Variants in LRFN3 observed in about 807,000 individuals in gnomAD.
LRFN3 encodes the protein leucine-rich repeat and fibronectin type-III domain-containing protein 3.
Under a neutral mutation model 23.8 loss-of-function variants are expected in LRFN3, and 8 were observed. The observed-to-expected ratio is 0.34, with a 90% confidence interval of 0.20 to 0.61. The LOEUF (loss-of-function observed/expected upper bound fraction) is 0.61, where lower values mean the gene tolerates loss of function less well. Among genes scored for constraint, LRFN3 ranks in the 20% least tolerant of loss-of-function variants. The probability of loss-of-function intolerance (pLI) is 0.80; values close to 1 mark genes in which losing one functional copy is unlikely to be tolerated. For missense variants in LRFN3, 736 were observed against 935.3 expected (o/e 0.79, Z 2.78); for synonymous variants, 451 against 450.6 (o/e 1.00, Z -0.01).
intron 2 of LRFN3, among the ~76,000 whole-genome samples, chr19:35,943,790 G>A (rs964561287): frequency 1.3e-5 from 2 of 152,176 alleles, no homozygotes; most frequent in African/African-American, 4.8e-5. Context: ...ATCAGGCAGA[G>A]GATTGGGGCA....
intron 1 of LRFN3, among the ~76,000 whole-genome samples, chr19:35,938,989 C>T (rs79995931): frequency 0.011 from 1,734 of 152,278 alleles, 26 homozygotes; most frequent in African/African-American, 0.039. Context: ...GACAGAGTCA[C>T]GCTCTGTTGC....
rs888301079 is a variant in LRFN3, at chr19:35,946,611, G to A, written c.*1592G>A. ...GTGTTCAATGATATAAATAAAGGCT[G>A]CGGTGACCCCCCAGAGAGCAGTGTT... On this transcript the variant is annotated 3_prime_UTR_variant, in exon 3 of 3. Coordinates refer to ENST00000246529, the MANE Select transcript of LRFN3 (RefSeq NM_024509.2). Among the ~76,000 whole-genome samples, 1 of 152,186 alleles carries A rather than the reference G, an allele frequency of 6.6e-6. No individual in the cohort carries two copies. The highest frequency in any genetic ancestry group is 1.5e-5 in the Non-Finnish European group (1 of 68,036).
Position 35,944,738 on chromosome 19 carries a change from G to A in LRFN3, c.1606G>A (p.Gly536Ser). Reference protein sequence around the residue: ...PCGAPHAPFLGGTMIIALGGV... With the variant: ...PCGAPHAPFLSGTMIIALGGV... The stretch of plus-strand genomic sequence containing the variant: ...CGGGGCGCCGCACGCTCCCTTCCTG[G>A]GCGGCACGATGATCATCGCGCTGGG... Residue 536 changes from glycine (G) to serine (S), a missense_variant, in exon 3 of 3, where the codon GGC (glycine) becomes AGC (serine). Gly to Ser is a moderately conservative substitution (Grantham distance 56). Coordinates refer to ENST00000246529, the MANE Select transcript of LRFN3 (RefSeq NM_024509.2). The surrounding 1 kb of genome is among the most constrained non-coding windows in gnomAD (Gnocchi z 4.5). The A allele has an allele frequency of 6.2e-7, 1 of 1,607,618 alleles. No homozygotes were observed. The highest frequency in any genetic ancestry group is 8.5e-7 in the Non-Finnish European group (1 of 1,177,432).
intron 2 of LRFN3, among the ~76,000 whole-genome samples, chr19:35,943,364 G>A (rs1381109268): frequency 6.6e-6 from 1 of 152,198 alleles, no homozygotes; most frequent in Admixed American, 6.5e-5. Flanking sequence ...AGTAGTGACG[G>A]AGGCACATTA....
chr19:35,940,136 G>T lies in LRFN3; in HGVS notation c.711G>T (p.Ser237=), dbSNP rs774350545. 3 of 1,609,632 alleles carry T rather than the reference G, an allele frequency of 1.9e-6. No homozygotes were observed. The highest frequency in any genetic ancestry group is 1.3e-5 in the African/African-American group (1 of 75,010). ...CCCTGCTCGCCAGGCCCCGGGGCTC[G>T]CCCGCCTCTGCCCTGGTGCTGGCCT... is the stretch of plus-strand genomic sequence containing the variant. The part of the protein sequence containing the change: ...RLPLLARPRG[S]PASALVLAFG... Residue 237 remains serine (S), a synonymous_variant, in exon 2 of 3, where the codon TCG becomes TCT. Transcript: ENST00000246529.
In LRFN3 at chr19:35,936,430, G is replaced by C. The variant is rs1483364395; in HGVS notation, c.-1142G>C. ...CGGCGAGGAGGCCGCGGGAGCGCCT[G>C]GACCCGGCCCGCCCAGCCCGGCCCC... is the stretch of plus-strand genomic sequence containing the variant. On this transcript the variant is annotated 5_prime_UTR_variant, in exon 1 of 3. Coordinates refer to ENST00000246529, the MANE Select transcript of LRFN3 (RefSeq NM_024509.2). Among the ~76,000 whole-genome samples, 1 of 151,022 alleles carries C rather than the reference G, an allele frequency of 6.6e-6. No individual in the cohort carries two copies. The highest frequency in any genetic ancestry group is 2.4e-5 in the African/African-American group (1 of 41,278).
intron 2 of LRFN3, among the ~76,000 whole-genome samples, chr19:35,941,419 G>T (rs571244843): frequency 2.2e-4 from 34 of 152,310 alleles, no homozygotes; most frequent in African/African-American, 8.2e-4. Flanking sequence ...AGCACAGGGA[G>T]CCCAGAAACA....
Position 35,940,793 on chromosome 19 carries a change from G to A in LRFN3, c.1368G>A (p.Met456Ile). ...PDQRPIPGIR[M>I]YQIQYNSSAD... ...AGCGGCCTATCCCGGGCATCCGCAT[G>A]TACCAGATCCAGTACAACAGCTCGG... The change falls in exon 2 of 3, where the codon ATG becomes ATA. Residue 456 changes from methionine (M) to isoleucine (I), a missense_variant. Met to Ile is a conservative substitution (Grantham distance 10). Transcript: ENST00000246529. 1 of 1,605,844 alleles carries A rather than the reference G, an allele frequency of 6.2e-7. No individual in the cohort carries two copies. The highest frequency in any genetic ancestry group is 8.5e-7 in the Non-Finnish European group (1 of 1,174,426).
At position 35,936,709 on chromosome 19, in the gene LRFN3, A is replaced by G. The variant is rs1232876213; in HGVS notation, c.-863A>G. ...GCCAGCCGGGACGCCGCCGCCCCGGACCCCGCGCCCTAACCTCCACCTCGG... is the reference window on the plus strand; with the variant it reads ...GCCAGCCGGGACGCCGCCGCCCCGGGCCCCGCGCCCTAACCTCCACCTCGG... On this transcript the variant is annotated 5_prime_UTR_variant, in exon 1 of 3. Transcript: ENST00000246529. 6.6e-6 allele frequency: 1 copy of G among 150,760 alleles called. No individual in the cohort carries two copies. The highest frequency in any genetic ancestry group is 2.4e-5 in the African/African-American group (1 of 40,884). The allele number at this position is 150,760 out of a possible 1,614,324, so 9.3% of individuals were successfully genotyped here.
chr19:35,944,904 GC>G lies in LRFN3; in HGVS notation c.1776del (p.Thr593ArgfsTer74). 1 of 1,584,264 alleles carries G rather than the reference GC, an allele frequency of 6.3e-7. No homozygotes were observed. ...TGCTCCCAGACCAACGGCGCCCTGGGCCCCACGCCCACGCCCGCCCCGCCCG... is the reference window on the plus strand; with the variant it reads ...TGCTCCCAGACCAACGGCGCCCTGGGCCCACGCCCACGCCCGCCCCGCCCG... Reference protein sequence around the residue: ...SVCSQTNGALGPTPTPAPPAP... With the variant: ...SVCSQTNGALXPTPTPAPPAP... On this transcript the variant is annotated frameshift_variant, in exon 3 of 3. Transcript: ENST00000246529. LOFTEE classifies it high-confidence loss of function. The surrounding 1 kb of genome is among the most constrained non-coding windows in gnomAD (Gnocchi z 4.5).
At chr19:35,942,821 A>T (rs2145302291) in intron 2 of LRFN3, among the ~76,000 whole-genome samples, 1 of 152,274 alleles carries the variant, frequency 6.6e-6, no homozygotes, top group Middle Eastern at 3.4e-3. Flanking sequence ...CCAGGTCAGG[A>T]GTTTGAGACC....
chr19:35,943,861 A>G (rs1278720891), intron 2 of LRFN3, among the ~76,000 whole-genome samples: 9 of 152,060 alleles, frequency 5.9e-5, no homozygotes, highest in Admixed American at 5.9e-4. Flanking sequence ...TTGAGTGGGC[A>G]GTGCAAAAGG....
In LRFN3 at chr19:35,942,898, A is replaced by G. The variant is rs543170891; in HGVS notation, c.1416-1650A>G. ...CAAAAAATTAGCTGAGTGTGGTGGCACGCGCCTGTAGTCCCAGCTACTCAG... is the reference window on the plus strand; with the variant it reads ...CAAAAAATTAGCTGAGTGTGGTGGCGCGCGCCTGTAGTCCCAGCTACTCAG... On this transcript the variant is annotated intron_variant, in intron 2 of 2. Coordinates refer to ENST00000246529, the MANE Select transcript of LRFN3 (RefSeq NM_024509.2). 3.3e-5 allele frequency among the ~76,000 whole-genome samples: 5 copies of G among 152,222 alleles called. No homozygotes were observed. The East Asian group carries it at 7.7e-4, about 23-fold the overall frequency.
At position 35,946,521 on chromosome 19, in the gene LRFN3, A is replaced by C. The variant is rs11880859; in HGVS notation, c.*1502A>C. Among the ~76,000 whole-genome samples, 12,543 of 151,800 alleles carry C rather than the reference A, an allele frequency of 0.083. 1,286 individuals carry two copies. Among genetic ancestry groups the C allele is most frequent in the African/African-American group, 0.24 (10,064 of 41,298 alleles). On this transcript the variant is annotated 3_prime_UTR_variant, in exon 3 of 3. Coordinates refer to ENST00000246529, the MANE Select transcript of LRFN3 (RefSeq NM_024509.2). Reference sequence around the variant, plus strand: ...GCAAAGAAAAACCTAACCAAGACTAAACAGGACCAGCAGGCAGAGGGACAG... The same window carrying C: ...GCAAAGAAAAACCTAACCAAGACTACACAGGACCAGCAGGCAGAGGGACAG...
chr19:35,939,623 G>A lies in LRFN3; in HGVS notation c.198G>A (p.Leu66=), dbSNP rs371234713. The change falls in exon 2 of 3, where the codon CTG becomes CTA. Residue 66 remains leucine (L), a synonymous_variant. Coordinates refer to ENST00000246529, the MANE Select transcript of LRFN3 (RefSeq NM_024509.2). This position sits in a 1 kb window ranked among gnomAD's most constrained non-coding sequence, Gnocchi z 6.4. ...ACCGCCGGGCAGCCGAGCTGCGGCTGGCAGACAACTTCATCGCCTCCGTGC... is the reference window on the plus strand; with the variant it reads ...ACCGCCGGGCAGCCGAGCTGCGGCTAGCAGACAACTTCATCGCCTCCGTGC... ...SLDRRAAELR[L]ADNFIASVRR... 3.3e-5 allele frequency: 53 copies of A among 1,609,120 alleles called. No homozygotes were observed. The highest frequency in any genetic ancestry group is 8.3e-5 in the Admixed American group (5 of 59,946).
rs779035484 is a variant in LRFN3 at position 35,944,905 on chromosome 19, C to T, written c.1773C>T (p.Gly591=). ...SVCSQTNGAL[G]PTPTPAPPAP... ...GCTCCCAGACCAACGGCGCCCTGGG[C>T]CCCACGCCCACGCCCGCCCCGCCCG... The change falls in exon 3 of 3, where the codon GGC becomes GGT. Residue 591 remains glycine (G), a synonymous_variant. Coordinates refer to ENST00000246529, the MANE Select transcript of LRFN3 (RefSeq NM_024509.2). This position sits in a 1 kb window ranked among gnomAD's most constrained non-coding sequence, Gnocchi z 4.5. The T allele has an allele frequency of 1.3e-6, 2 of 1,584,754 alleles. No homozygotes were observed. Among genetic ancestry groups the T allele is most frequent in the Non-Finnish European group, 1.7e-6 (2 of 1,173,406 alleles).
At chr19:35,941,308 T>TA (rs764951938) in intron 2 of LRFN3, among the ~76,000 whole-genome samples, 1 of 151,798 alleles carries the variant, frequency 6.6e-6, no homozygotes. Flanking sequence ...GGGATAAAAA[T>TA]AAATTTAAGT....
Position 35,939,796 on chromosome 19 carries a change from A to G in LRFN3, c.371A>G (p.Glu124Gly), listed in dbSNP as rs1381263182. 6 of 1,603,692 alleles carry G rather than the reference A, an allele frequency of 3.7e-6. No homozygotes were observed. The African/African-American group carries it at 6.7e-5, about 18-fold the overall frequency. ...GGCAACCGGCTGACCTCACTGGGCG[A>G]GGGCCAGCTGCGCGGCCTGGTCAAC... ...LDGNRLTSLG[E>G]GQLRGLVNLR... The change falls in exon 2 of 3, where the codon GAG becomes GGG. Residue 124 changes from glutamate to glycine, a missense_variant. Glu to Gly is a moderately conservative substitution (Grantham distance 98). Around this residue, in one of 2 missense-constraint regions of LRFN3, gnomAD observed 446 missense variants for 647.9 expected, o/e 0.69. Coordinates refer to ENST00000246529, the MANE Select transcript of LRFN3 (RefSeq NM_024509.2). The surrounding 1 kb of genome is among the most constrained non-coding windows in gnomAD (Gnocchi z 6.4).
chr19:35,941,079 G>A (rs941402546), intron 2 of LRFN3, among the ~76,000 whole-genome samples: 8 of 152,172 alleles, frequency 5.3e-5, no homozygotes, highest in Non-Finnish European at 1.0e-4. Flanking sequence ...GAAGGACGAA[G>A]TAAATGAGAC....
Sources: gnomAD v4.1 joint callset for allele counts (sites outside exome capture counted in the v4.1 genomes callset) on GRCh38, gnomAD v4.1.1 for gene constraint, gnomAD v4.1.1 regional missense constraint, Gnocchi (gnomAD v3.1) non-coding constraint, MANE v1.5 for transcripts, NCBI Gene and HGNC (gene_info 2026-07-23, HGNC 2026-07-21) for gene names.